Variants in FNDC7 observed in about 807,000 individuals in gnomAD.
The protein encoded by FNDC7 is fibronectin type III domain containing 7, also known as fibronectin type III domain-containing protein 7.
FNDC7 carries 66 observed loss-of-function variants against 74.2 expected under a neutral mutation model. The ratio of observed to expected loss-of-function variants is 0.89; its 90% CI spans 0.73 to 1.09. FNDC7 has a LOEUF of 1.09. FNDC7 is among the 50% of genes least tolerant of loss of function. The pLI is 0.00. For synonymous variants in FNDC7, 307 were observed against 330.2 expected, an observed-to-expected ratio of 0.93 and a Z score of 0.76; for missense variants, 829 against 893.4, an observed-to-expected ratio of 0.93 and a Z score of 0.92.
At chr1:108,729,111 G>A (rs1390466478) in intron 8 of FNDC7, among the ~76,000 whole-genome samples, 2 of 152,178 alleles carry the variant, frequency 1.3e-5, no homozygotes, top group Non-Finnish European at 2.9e-5. Context: ...ATCAGAGAAG[G>A]AATACTTACT....
At chr1:108,740,709 G>T (rs1286079883) in intron 11 of FNDC7, among the ~76,000 whole-genome samples, 2 of 152,152 alleles carry the variant, frequency 1.3e-5, no homozygotes, top group African/African-American at 4.8e-5. Context: ...AATTCTCTCT[G>T]AGCCTAGGTT....
Position 108,722,335 on chromosome 1 carries a change from G to C in FNDC7, c.599G>C (p.Ser200Thr). The change falls in exon 5 of 13, where the codon AGT becomes ACT. Residue 200 changes from serine to threonine, a missense_variant and splice_region_variant. Transcript: ENST00000370017. The part of the protein sequence containing the change: ...GDDSTCNQRT[S>T]PRAPANIQVS... ...TCTTAATTGTTTCTCTAAAATGTAG[G>C]TCCTCGGGCCCCTGCCAACATTCAA... 6.3e-7 allele frequency: 1 copy of C among 1,593,458 alleles called. No homozygotes were observed. Among genetic ancestry groups the C allele is most frequent in the Admixed American group, 1.8e-5 (1 of 55,914 alleles).
chr1:108,737,999 G>A (rs895610432), intron 11 of FNDC7, among the ~76,000 whole-genome samples: 1 of 152,228 alleles, frequency 6.6e-6, no homozygotes, highest in Non-Finnish European at 1.5e-5. Flanking sequence ...CTACTTTAGA[G>A]CCGTGCTTCT....
chr1:108,733,089 A>T (rs1221198257), intron 9 of FNDC7, among the ~76,000 whole-genome samples, 183 bp from the exon 10 acceptor site: 1 of 151,958 alleles, frequency 6.6e-6, no homozygotes, highest in Non-Finnish European at 1.5e-5. Context: ...TGGATTTCTG[A>T]TTATGTGGCC....
chr1:108,728,970 T>C (rs1661281954), intron 8 of FNDC7, 84 bp downstream of exon 8: 3 of 1,501,718 alleles, frequency 2.0e-6, no homozygotes, highest in South Asian at 1.2e-5. Flanking sequence ...TTATTTAATC[T>C]ACCCTCAGTG....
Position 108,730,838 on chromosome 1 carries a change from A to G in FNDC7, c.1789A>G (p.Ile597Val), listed in dbSNP as rs1282575107. ...TCAAAACCACTGCCTCCTAGGATGC[A>G]TCACATGTGGCATCAATTACACAGT... ...THQNHCLLGC[I>V]TCGINYTVTL... is the part of the protein sequence containing the mutation. Residue 597 changes from isoleucine to valine, a missense_variant, in exon 9 of 13, where the codon ATC becomes GTC. Physicochemically the swap from Ile to Val is conservative, Grantham distance 29 (BLOSUM62 3). Coordinates refer to ENST00000370017, the MANE Select transcript of FNDC7 (RefSeq NM_001144937.3). 5.6e-6 allele frequency: 9 copies of G among 1,613,988 alleles called. No individual in the cohort carries two copies. The highest frequency in any genetic ancestry group is 1.1e-5 in the South Asian group (1 of 91,082).
chr1:108,714,128 TAG>T (rs1462842491), intron 2 of FNDC7, among the ~76,000 whole-genome samples: 2 of 152,240 alleles, frequency 1.3e-5, no homozygotes, highest in Admixed American at 6.5e-5. Context: ...TCATTTGTGC[TAG>T]AAATCTAAGT....
intron 10 of FNDC7, among the ~76,000 whole-genome samples, chr1:108,735,884 C>A (rs923886023): frequency 1.3e-5 from 2 of 152,142 alleles, no homozygotes; most frequent in African/African-American, 4.8e-5. Flanking sequence ...CTGCTCAATG[C>A]AGCCTTGACC....
chr1:108,724,214 G>T (rs543340716), intron 5 of FNDC7, among the ~76,000 whole-genome samples: 2 of 152,280 alleles, frequency 1.3e-5, no homozygotes, highest in East Asian at 3.9e-4. Flanking sequence ...TTAACACAGA[G>T]AAACAGTCAA....
chr1:108,732,283 C>T (rs530752434), intron 9 of FNDC7, among the ~76,000 whole-genome samples: 14 of 137,628 alleles, frequency 1.0e-4, no homozygotes, highest in African/African-American at 3.9e-4. Context: ...GGCGTGAACC[C>T]GGGAGGCGGA....
chr1:108,734,245 CTG>C (rs1413014851), intron 10 of FNDC7: 1 of 152,092 alleles, frequency 6.6e-6, no homozygotes, highest in Non-Finnish European at 1.5e-5. Flanking sequence ...AGAATTATGA[CTG>C]AGGAAAAGTT....
In FNDC7 at chr1:108,730,859, A is replaced by C; in HGVS notation, c.1810A>C (p.Thr604Pro). 1 of 1,614,024 alleles carries C rather than the reference A, an allele frequency of 6.2e-7. No homozygotes were observed. Among genetic ancestry groups the C allele is most frequent in the Non-Finnish European group, 8.5e-7 (1 of 1,179,940 alleles). Residue 604 changes from threonine to proline, a missense_variant, in exon 9 of 13, where the codon ACA becomes CCA. Coordinates refer to ENST00000370017, the MANE Select transcript of FNDC7 (RefSeq NM_001144937.3). ...ATGCATCACATGTGGCATCAATTAC[A>C]CAGTGACATTAAAAGCAATTAGTGC... ...LGCITCGINY[T>P]VTLKAISATG...
intron 4 of FNDC7, among the ~76,000 whole-genome samples, chr1:108,721,648 C>T (rs1042527372): frequency 1.3e-5 from 2 of 152,252 alleles, no homozygotes; most frequent in Admixed American, 6.5e-5. Context: ...CACCTTCTTA[C>T]GCTTTTTTAA....
intron 2 of FNDC7, among the ~76,000 whole-genome samples, chr1:108,714,146 G>T (rs1557785380): frequency 6.6e-6 from 1 of 152,048 alleles, no homozygotes; most frequent in African/African-American, 2.4e-5. Context: ...TAAGTACCTG[G>T]AATGGAAATT....
In FNDC7 at chr1:108,733,454, G is replaced by GA. The variant is rs1490090555; in HGVS notation, c.2063dup (p.Asp688GlufsTer12). ...TGATGTCACTGAGATACCCTGTGGG[G>GA]ATGTATACACTGTGATGGTCTCACC... On this transcript the variant is annotated frameshift_variant, in exon 10 of 13. Coordinates refer to ENST00000370017, the MANE Select transcript of FNDC7 (RefSeq NM_001144937.3). LOFTEE classifies it high-confidence loss of function. 1 of 1,613,982 alleles carries GA rather than the reference G, an allele frequency of 6.2e-7. No homozygotes were observed. The highest frequency in any genetic ancestry group is 1.7e-5 in the Admixed American group (1 of 59,990).
intron 10 of FNDC7, 134 bp downstream of exon 10, chr1:108,733,666 T>C (rs1661447459): frequency 2.0e-6 from 2 of 982,278 alleles, no homozygotes; most frequent in South Asian, 1.8e-5. Flanking sequence ...TTTTTTTTTT[T>C]TTTTGAGACA....
chr1:108,728,732 T>C lies in FNDC7; in HGVS notation c.1470T>C (p.Thr490=). 1 of 1,614,272 alleles carries C rather than the reference T, an allele frequency of 6.2e-7. No individual in the cohort carries two copies. Among genetic ancestry groups the C allele is most frequent in the Non-Finnish European group, 8.5e-7 (1 of 1,180,046 alleles). The change falls in exon 8 of 13, where the codon ACT becomes ACC. Residue 490 remains threonine (T), a synonymous_variant. Transcript: ENST00000370017. ...STNDDATYTV[T]AQGEKGLYQC... is the part of the protein sequence containing the mutation. ...ATGATGATGCTACTTACACGGTGAC[T>C]GCCCAAGGGGAGAAAGGACTGTATC... is the stretch of plus-strand genomic sequence containing the variant.
chr1:108,712,930 C>A lies in FNDC7; in HGVS notation c.-4C>A. 2 of 1,551,674 alleles carry A rather than the reference C, an allele frequency of 1.3e-6. No homozygotes were observed. Among genetic ancestry groups the A allele is most frequent in the Non-Finnish European group, 8.7e-7 (1 of 1,146,932 alleles). ...TGTGCCATGTGAGTACTATGTCCAA[C>A]AGGATGGCTGGTGGACGAGAGACAT... On this transcript the variant is annotated 5_prime_UTR_variant, in exon 1 of 13. Coordinates refer to ENST00000370017, the MANE Select transcript of FNDC7 (RefSeq NM_001144937.3).
rs879500523 is a variant in FNDC7, at chr1:108,725,743, T to C, written c.857-7T>C. On this transcript the variant is annotated splice_polypyrimidine_tract_variant and splice_region_variant and intron_variant, in intron 5 of 12. Transcript: ENST00000370017. The stretch of plus-strand genomic sequence containing the variant: ...TAGTCTCATGTTTATTATTGATCAT[T>C]TCCTAGTTGCTTGTGCACCCGGAAG... 6.2e-7 allele frequency: 1 copy of C among 1,612,600 alleles called. No homozygotes were observed. Among genetic ancestry groups the C allele is most frequent in the Admixed American group, 1.7e-5 (1 of 59,906 alleles).
Sources: gnomAD v4.1 joint callset for allele counts (sites outside exome capture counted in the v4.1 genomes callset) on GRCh38, gnomAD v4.1.1 for gene constraint, MANE v1.5 for transcripts, NCBI Gene and HGNC (gene_info 2026-07-23, HGNC 2026-07-21) for gene names.